SORT1: variants seen among roughly 807,000 people sequenced by gnomAD.
SORT1 encodes the protein sortilin 1.
SORT1 carries 39 observed loss-of-function variants against 101.7 expected under a neutral mutation model. The observed-to-expected ratio is 0.38, with a 90% CI of 0.30 to 0.50. The LOEUF is 0.50. Among genes scored for constraint, SORT1 ranks in the 20% least tolerant of loss-of-function variants. The pLI, the probability that SORT1 is intolerant of heterozygous loss-of-function variation, is 0.90. For synonymous variants in SORT1, 396 were observed against 393.7 expected (o/e 1.01, Z -0.07); for missense variants, 878 against 1,040.4 (o/e 0.84, Z 2.15).
chr1:109,396,603 A>C (rs974553823), intron 1 of SORT1, among the ~76,000 whole-genome samples: 2 of 152,222 alleles, frequency 1.3e-5, no homozygotes, highest in African/African-American at 4.8e-5. Flanking sequence ...GTCCAAAGGG[A>C]GACTGAGGCT....
At position 109,372,422 on chromosome 1, in the gene SORT1, C is replaced by A. The variant is rs575699032; in HGVS notation, c.307-2833G>T. 1.0e-3 allele frequency among the ~76,000 whole-genome samples: 156 copies of A among 152,266 alleles called. 1 individual carries two copies. Among genetic ancestry groups the A allele is most frequent in the Middle Eastern group, 3.4e-3 (1 of 294 alleles). On this transcript the variant is annotated intron_variant, in intron 1 of 19. Coordinates refer to ENST00000256637, the MANE Select transcript of SORT1 (RefSeq NM_002959.7). ...CAATAAATATTGAATTCTTTAAGAA[C>A]TACTTATGAAGTTTTGAAAAAGATG...
rs993172182 is a variant in SORT1, at chr1:109,366,347, C to T, written c.440+1061G>A. Among the ~76,000 whole-genome samples, 6 of 152,248 alleles carry T rather than the reference C, an allele frequency of 3.9e-5. No individual in the cohort carries two copies. In the East Asian group the frequency reaches 1.2e-3, roughly 29 times the overall value. On this transcript the variant is annotated intron_variant, in intron 3 of 19. Coordinates refer to ENST00000256637, the MANE Select transcript of SORT1 (RefSeq NM_002959.7). ...CTTACCTAAAAATAATCTGCTTAGG[C>T]CTCAAAATGCTGTATAAATATTTGC...
At chr1:109,331,105 C>T (rs1648428684) in intron 11 of SORT1, among the ~76,000 whole-genome samples, 1 of 152,086 alleles carries the variant, frequency 6.6e-6, no homozygotes. Context: ...GGAACACTTC[C>T]AAACTCATTT....
intron 1 of SORT1, among the ~76,000 whole-genome samples, chr1:109,383,541 CATCTT>C (rs1178079810): frequency 3.9e-5 from 6 of 152,196 alleles, no homozygotes; most frequent in African/African-American, 1.2e-4. Context: ...AAGCACAAAT[CATCTT>C]ATCTGTTGGG....
rs546228695 is a variant in SORT1 at position 109,359,290 on chromosome 1, T to C, written c.441-3821A>G. 1.7e-3 allele frequency among the ~76,000 whole-genome samples: 255 copies of C among 152,276 alleles called. 1 individual carries two copies. The highest frequency in any genetic ancestry group is 3.4e-3 in the Middle Eastern group (1 of 294). ...CCCACTGGTGAAGGTTCTGCCCTTA[T>C]GACCTAATCACTTACCGAAGGTCCC... On this transcript the variant is annotated intron_variant, in intron 3 of 19. Transcript: ENST00000256637.
chr1:109,376,389 G>T (rs903054761), intron 1 of SORT1, among the ~76,000 whole-genome samples: 9 of 150,068 alleles, frequency 6.0e-5, no homozygotes, highest in Non-Finnish European at 1.3e-4. Context: ...CAGCAATCCT[G>T]TTACTGGGTA....
intron 1 of SORT1, among the ~76,000 whole-genome samples, chr1:109,373,094 A>G (rs1180043594): frequency 6.6e-6 from 1 of 152,070 alleles, no homozygotes; most frequent in African/African-American, 2.4e-5. Flanking sequence ...AAAACGACAG[A>G]ATATATGAAA....
At chr1:109,374,370 C>T (rs1208409941) in intron 1 of SORT1, among the ~76,000 whole-genome samples, 2 of 151,052 alleles carry the variant, frequency 1.3e-5, no homozygotes, top group African/African-American at 4.9e-5. Context: ...GTCAAGAGTT[C>T]GAGACCAGCC....
At chr1:109,346,076 C>G (rs761689897) in intron 7 of SORT1, among the ~76,000 whole-genome samples, 195 bp from the exon 8 acceptor site, 45 of 151,978 alleles carry the variant, frequency 3.0e-4, no homozygotes, top group Non-Finnish European at 6.2e-4. Context: ...CTTTGGGAGG[C>G]TGAGGTGGGC....
At chr1:109,321,009 C>T (rs1487716913) in intron 15 of SORT1, among the ~76,000 whole-genome samples, 1 of 152,202 alleles carries the variant, frequency 6.6e-6, no homozygotes, top group Non-Finnish European at 1.5e-5. Context: ...GCCAGTTTCA[C>T]ATCCCAGCTC....
intron 1 of SORT1, among the ~76,000 whole-genome samples, chr1:109,372,045 G>A (rs1490717519): frequency 6.6e-6 from 1 of 152,142 alleles, no homozygotes; most frequent in Non-Finnish European, 1.5e-5. Flanking sequence ...ATAAATCCAG[G>A]AGAGCTAGGG....
At chr1:109,342,198 C>T in intron 8 of SORT1, 40 bp from the exon 9 acceptor site, 2 of 1,524,034 alleles carry the variant, frequency 1.3e-6, no homozygotes, top group Non-Finnish European at 1.8e-6. Flanking sequence ...AATTTTCTGC[C>T]AAGATGCCAT....
chr1:109,316,810 A>G, intron 17 of SORT1, 40 bp downstream of exon 17: 2 of 1,279,564 alleles, frequency 1.6e-6, no homozygotes, highest in Non-Finnish European at 2.2e-6. Context: ...AGAACACAAA[A>G]TCCCATTTGT....
In SORT1 at chr1:109,327,609, A is replaced by G; in HGVS notation, c.1372-8T>C. On this transcript the variant is annotated splice_region_variant and splice_polypyrimidine_tract_variant and intron_variant, in intron 11 of 19. Coordinates refer to ENST00000256637, the MANE Select transcript of SORT1 (RefSeq NM_002959.7). ...ATGAATATGAAGGCTGCACTGTGAAAAGAAACAAAAGCGTAGATTAGAACC... is the reference window on the plus strand; with the variant it reads ...ATGAATATGAAGGCTGCACTGTGAAGAGAAACAAAAGCGTAGATTAGAACC... 6.6e-7 allele frequency: 1 copy of G among 1,521,706 alleles called. No homozygotes were observed. Among genetic ancestry groups the G allele is most frequent in the East Asian group, 2.3e-5 (1 of 43,060 alleles). The allele number at this position is 1,521,706 out of a possible 1,614,324, so 94.3% of individuals were successfully genotyped here.
intron 10 of SORT1, among the ~76,000 whole-genome samples, chr1:109,338,049 C>T (rs1371027299): frequency 6.6e-6 from 1 of 152,052 alleles, no homozygotes; most frequent in Non-Finnish European, 1.5e-5. Flanking sequence ...ATGTAGTATG[C>T]TAGAAAATAA....
At chr1:109,358,889 A>G (rs1018762222) in intron 3 of SORT1, among the ~76,000 whole-genome samples, 1 of 151,988 alleles carries the variant, frequency 6.6e-6, no homozygotes, top group Non-Finnish European at 1.5e-5. Context: ...CTTTTTAATA[A>G]CAATTCTATG....
chr1:109,394,910 A>G (rs111707312), intron 1 of SORT1, among the ~76,000 whole-genome samples: 201 of 152,330 alleles, frequency 1.3e-3, no homozygotes, highest in African/African-American at 4.5e-3. Context: ...ACAAAGTACA[A>G]TATCTCTGAT....
chr1:109,346,955 C>T (rs961456727), intron 7 of SORT1, among the ~76,000 whole-genome samples: 15 of 152,204 alleles, frequency 9.9e-5, no homozygotes, highest in African/African-American at 3.6e-4. Context: ...GGACTGCAGG[C>T]ATGCAACCAT....
At position 109,389,209 on chromosome 1, in the gene SORT1, C is replaced by T. The variant is rs536881062; in HGVS notation, c.306+8378G>A. 2.6e-4 allele frequency among the ~76,000 whole-genome samples: 40 copies of T among 152,272 alleles called. No homozygotes were observed. In the South Asian group the frequency reaches 5.8e-3, roughly 22 times the overall value. ...AGGAATTATACAAATCATACTCATA[C>T]GGTACTTCAAGGTTTCAAAATATTT... is the stretch of plus-strand genomic sequence containing the variant. On this transcript the variant is annotated intron_variant, in intron 1 of 19. Transcript: ENST00000256637.
Sources: gnomAD v4.1 joint callset for allele counts (sites outside exome capture counted in the v4.1 genomes callset) on GRCh38, gnomAD v4.1.1 for gene constraint, MANE v1.5 for transcripts, NCBI Gene and HGNC (gene_info 2026-07-23, HGNC 2026-07-21) for gene names.